The following TBC1D22A variants were observed in gnomAD, a reference collection of about 807,000 sequenced individuals.
TBC1D22A encodes TBC1 domain family member 22A, also known as putative GTPase activator.
In TBC1D22A, 38 loss-of-function variants were observed where a neutral mutation model predicts 60.2. That is an observed-to-expected ratio of 0.63 (90% CI 0.49 to 0.83). The LOEUF (loss-of-function observed/expected upper bound fraction) is 0.83, where lower values mean the gene tolerates loss of function less well. Ranked by LOEUF, TBC1D22A falls within the 40% of genes least tolerant of loss-of-function variation. TBC1D22A has a pLI of 0.00. For synonymous variants in TBC1D22A, 302 were observed against 281.7 expected, an observed-to-expected ratio of 1.07 and a Z score of -0.72; for missense variants, 628 against 701.0, an observed-to-expected ratio of 0.90 and a Z score of 1.18.
At chr22:46,918,914 C>T (rs922162725) in intron 8 of TBC1D22A, among the ~76,000 whole-genome samples, 6 of 152,168 alleles carry the variant, frequency 3.9e-5, no homozygotes, top group African/African-American at 1.4e-4. Context: ...CCAGCAGTCA[C>T]CGTTCTCCTT....
intron 8 of TBC1D22A, among the ~76,000 whole-genome samples, chr22:46,938,713 G>A (rs1228021525): frequency 1.3e-5 from 2 of 151,902 alleles, no homozygotes; most frequent in African/African-American, 4.8e-5. Context: ...AGCCTGCAGG[G>A]TAGCTGGGAT....
chr22:46,872,046 A>G (rs557703535), intron 4 of TBC1D22A, among the ~76,000 whole-genome samples: 17 of 152,350 alleles, frequency 1.1e-4, no homozygotes, highest in African/African-American at 4.1e-4. Context: ...TTATGCCAAT[A>G]AATTCATGAA....
chr22:46,799,460 A>C (rs2084803440), intron 4 of TBC1D22A, among the ~76,000 whole-genome samples: 1 of 152,334 alleles, frequency 6.6e-6, no homozygotes, highest in Non-Finnish European at 1.5e-5. Flanking sequence ...ATCACAGCAC[A>C]GGGGTCACAA....
intron 11 of TBC1D22A, among the ~76,000 whole-genome samples, chr22:47,092,197 T>C (rs1240052737): frequency 6.6e-6 from 1 of 152,142 alleles, no homozygotes; most frequent in Non-Finnish European, 1.5e-5. Context: ...CAGGGCGCCT[T>C]ACCCTGGCCT....
At chr22:47,035,962 A>G (rs986274315) in intron 10 of TBC1D22A, among the ~76,000 whole-genome samples, 10 of 152,230 alleles carry the variant, frequency 6.6e-5, no homozygotes, top group Non-Finnish European at 1.3e-4. Context: ...ACAAACCAGT[A>G]AACAGAACAC....
chr22:47,078,879 G>C (rs972204306), intron 11 of TBC1D22A, among the ~76,000 whole-genome samples: 1 of 151,466 alleles, frequency 6.6e-6, no homozygotes, highest in African/African-American at 2.4e-5. Context: ...TAGTATGATA[G>C]AGAGTATTGG....
chr22:47,042,068 G>A (rs937365828), intron 11 of TBC1D22A, among the ~76,000 whole-genome samples: 3 of 152,246 alleles, frequency 2.0e-5, no homozygotes. Context: ...GGCAGTCATT[G>A]TTCTCTGAGA....
At chr22:46,849,110 G>A (rs1367282036) in intron 4 of TBC1D22A, among the ~76,000 whole-genome samples, 1 of 152,188 alleles carries the variant, frequency 6.6e-6, no homozygotes. Flanking sequence ...TTTGTGTGAC[G>A]CTCTAGGCAG....
At chr22:46,968,130 C>T (rs2073897409) in intron 8 of TBC1D22A, among the ~76,000 whole-genome samples, 1 of 152,172 alleles carries the variant, frequency 6.6e-6, no homozygotes, top group African/African-American at 2.4e-5. Flanking sequence ...CGTGGCATGG[C>T]TGCGGGGTTG....
intron 5 of TBC1D22A, among the ~76,000 whole-genome samples, chr22:46,883,646 C>T (rs131878): frequency 0.69 from 105,169 of 152,050 alleles, 36,915 homozygotes; most frequent in Middle Eastern, 0.86. Flanking sequence ...TGCCACTGAA[C>T]GCAGTTGATG....
chr22:46,793,107 TCAAATC>T (rs1250035246), intron 2 of TBC1D22A, among the ~76,000 whole-genome samples: 1 of 152,222 alleles, frequency 6.6e-6, no homozygotes, highest in Non-Finnish European at 1.5e-5. Context: ...GATCATGTCT[TCAAATC>T]CATATACCAC....
intron 7 of TBC1D22A, among the ~76,000 whole-genome samples, chr22:46,903,928 C>T (rs531182435): frequency 6.6e-6 from 1 of 152,236 alleles, no homozygotes; most frequent in African/African-American, 2.4e-5. Flanking sequence ...TGCCCCGCTG[C>T]CCGTGGACGC....
intron 12 of TBC1D22A, among the ~76,000 whole-genome samples, chr22:47,126,143 G>A (rs959441743): frequency 2.0e-5 from 3 of 152,120 alleles, no homozygotes; most frequent in Non-Finnish European, 2.9e-5. Context: ...TACCACGCCC[G>A]TCTAATTTTT....
At chr22:47,162,279 C>T (rs1243209616) in intron 12 of TBC1D22A, among the ~76,000 whole-genome samples, 2 of 151,494 alleles carry the variant, frequency 1.3e-5, no homozygotes, top group Non-Finnish European at 2.9e-5. Context: ...TCATAGTTCC[C>T]AAGGCTTTCC....
intron 4 of TBC1D22A, among the ~76,000 whole-genome samples, chr22:46,805,001 G>A (rs1181182021): frequency 6.6e-6 from 1 of 152,196 alleles, no homozygotes; most frequent in East Asian, 1.9e-4. Context: ...GGAAAGTAGG[G>A]CGAGTATGGC....
At chr22:47,155,361 C>T (rs9306495) in intron 12 of TBC1D22A, among the ~76,000 whole-genome samples, 25,973 of 152,196 alleles carry the variant, frequency 0.17, 2,590 homozygotes, top group African/African-American at 0.26. Flanking sequence ...CACCCTGTCC[C>T]GGCTGGCTGT....
chr22:46,835,388 C>A (rs1484227133), intron 4 of TBC1D22A, among the ~76,000 whole-genome samples: 1 of 151,998 alleles, frequency 6.6e-6, no homozygotes, highest in African/African-American at 2.4e-5. Flanking sequence ...GGAAGTTCAA[C>A]AAAGAGAGAA....
chr22:46,817,848 G>C (rs901594293), intron 4 of TBC1D22A, among the ~76,000 whole-genome samples: 15 of 152,156 alleles, frequency 9.9e-5, no homozygotes, highest in Non-Finnish European at 2.1e-4. Context: ...CTTCCACAGT[G>C]GTTGAACTAA....
intron 11 of TBC1D22A, among the ~76,000 whole-genome samples, chr22:47,064,775 G>A (rs542451396): frequency 6.6e-6 from 1 of 152,272 alleles, no homozygotes; most frequent in African/African-American, 2.4e-5. Flanking sequence ...ACTCAGGATC[G>A]CTGGCCCATT....
Sources: gnomAD v4.1 joint callset for allele counts (sites outside exome capture counted in the v4.1 genomes callset) on GRCh38, gnomAD v4.1.1 for gene constraint, MANE v1.5 for transcripts, NCBI Gene and HGNC (gene_info 2026-07-23, HGNC 2026-07-21) for gene names.